MAP2K5: variants seen among roughly 807,000 people sequenced by gnomAD.
The protein encoded by MAP2K5 is dual specificity mitogen-activated protein kinase kinase 5.
Under a neutral mutation model 83.1 loss-of-function variants are expected in MAP2K5, and 49 were observed. The observed-to-expected ratio is 0.59, with a 90% CI of 0.47 to 0.75. The LOEUF (loss-of-function observed/expected upper bound fraction) is 0.75, where lower values mean the gene tolerates loss of function less well. Among genes scored for constraint, MAP2K5 ranks in the 30% least tolerant of loss-of-function variants. The pLI, the probability that MAP2K5 is intolerant of heterozygous loss-of-function variation, is 0.00. For synonymous variants in MAP2K5, 202 were observed against 191.8 expected (o/e 1.05, Z -0.44); for missense variants, 457 against 557.5 (o/e 0.82, Z 1.82).
intron 16 of MAP2K5, among the ~76,000 whole-genome samples, chr15:67,711,519 C>G (rs2088691826): frequency 6.6e-6 from 1 of 152,230 alleles, no homozygotes; most frequent in African/African-American, 2.4e-5. Context: ...ATTATCCCCT[C>G]TCTTTAAAAG....
Position 67,806,714 on chromosome 15 carries a change from G to T in MAP2K5, c.1311G>T (p.Ala437=). ...TGGTGTCCATGTGGGTGTGCCGGGC[G>T]CTGGAGGAGAGGCGGAGCCAGCAGG... The part of the protein sequence containing the change: ...AAVVSMWVCR[A]LEERRSQQGP... The change falls in exon 22 of 22, where the codon GCG becomes GCT. Residue 437 remains alanine, a synonymous_variant. Coordinates refer to ENST00000178640, the MANE Select transcript of MAP2K5 (RefSeq NM_145160.3). 1 of 1,552,444 alleles carries T rather than the reference G, an allele frequency of 6.4e-7. No homozygotes were observed.
intron 15 of MAP2K5, among the ~76,000 whole-genome samples, chr15:67,696,636 A>G (rs1297926207): frequency 1.3e-5 from 2 of 152,212 alleles, no homozygotes; most frequent in Non-Finnish European, 2.9e-5. Flanking sequence ...ATGTAGCAGC[A>G]TTATGTGTGA....
chr15:67,626,335 C>T (rs1173730615), intron 8 of MAP2K5, among the ~76,000 whole-genome samples: 1 of 151,918 alleles, frequency 6.6e-6, no homozygotes, highest in Non-Finnish European at 1.5e-5. Flanking sequence ...CCAGCCTGGC[C>T]AACATGGTGA....
chr15:67,664,045 A>G (rs1359040679), intron 12 of MAP2K5, among the ~76,000 whole-genome samples: 2 of 152,174 alleles, frequency 1.3e-5, no homozygotes. Context: ...TTATATACAC[A>G]TGCACTTATT....
chr15:67,760,223 A>G lies in MAP2K5; in HGVS notation c.1135-9379A>G, dbSNP rs1004002996. ...TCTACCAAAACACAGCAGTAATCCAAAAGTTAATGTTCTGTTCACTTATAA... is the reference window on the plus strand; with the variant it reads ...TCTACCAAAACACAGCAGTAATCCAGAAGTTAATGTTCTGTTCACTTATAA... On this transcript the variant is annotated intron_variant, in intron 19 of 21. Transcript: ENST00000178640. This position sits in a 1 kb window ranked among gnomAD's most constrained non-coding sequence, Gnocchi z 4.1. Among the ~76,000 whole-genome samples, 2 of 152,208 alleles carry G rather than the reference A, an allele frequency of 1.3e-5. No homozygotes were observed. The highest frequency in any genetic ancestry group is 4.8e-5 in the African/African-American group (2 of 41,446).
intron 13 of MAP2K5, among the ~76,000 whole-genome samples, chr15:67,672,522 T>C (rs2141169094): frequency 6.7e-6 from 1 of 150,318 alleles, no homozygotes; most frequent in South Asian, 2.1e-4. Context: ...GTTTTTTTCT[T>C]GTAAATTTGT....
chr15:67,728,775 T>A lies in MAP2K5; in HGVS notation c.1074+830T>A, dbSNP rs536594318. On this transcript the variant is annotated intron_variant, in intron 17 of 21. Transcript: ENST00000178640. ...CTTGCTATTATTATGCAAATAAGTG[T>A]TGTATTACACATACTAATTTATGCA... 9.2e-5 allele frequency among the ~76,000 whole-genome samples: 14 copies of A among 152,376 alleles called. No individual in the cohort carries two copies. The South Asian group carries it at 1.7e-3, about 18-fold the overall frequency.
rs948811863 is a variant in MAP2K5, at chr15:67,770,875, C to A, written c.1196+1212C>A. Among the ~76,000 whole-genome samples, 1 of 151,932 alleles carries A rather than the reference C, an allele frequency of 6.6e-6. No homozygotes were observed. The highest frequency in any genetic ancestry group is 2.4e-5 in the African/African-American group (1 of 41,364). Reference sequence around the variant, plus strand: ...TATATGTGAGGAAGAAATTTTTCTCCCCAATTAAAAAAATTTTATTAACAC... The same window carrying A: ...TATATGTGAGGAAGAAATTTTTCTCACCAATTAAAAAAATTTTATTAACAC... On this transcript the variant is annotated intron_variant, in intron 20 of 21. Transcript: ENST00000178640. The surrounding 1 kb of genome is among the most constrained non-coding windows in gnomAD (Gnocchi z 5.0).
Position 67,698,059 on chromosome 15 carries a change from G to A in MAP2K5, c.972+4491G>A, listed in dbSNP as rs2088311437. Among the ~76,000 whole-genome samples, 1 of 152,038 alleles carries A rather than the reference G, an allele frequency of 6.6e-6. No homozygotes were observed. Among genetic ancestry groups the A allele is most frequent in the South Asian group, 2.1e-4 (1 of 4,818 alleles). On this transcript the variant is annotated intron_variant, in intron 15 of 21. Coordinates refer to ENST00000178640, the MANE Select transcript of MAP2K5 (RefSeq NM_145160.3). This position sits in a 1 kb window ranked among gnomAD's most constrained non-coding sequence, Gnocchi z 4.5. Reference sequence around the variant, plus strand: ...GTTTTTTAGGGGCAGATAATTAATAGGTTCAATAGATACCTTCATCCAAAC... The same window carrying A: ...GTTTTTTAGGGGCAGATAATTAATAAGTTCAATAGATACCTTCATCCAAAC...
intron 11 of MAP2K5, among the ~76,000 whole-genome samples, chr15:67,647,191 C>T (rs563886533): frequency 5.7e-4 from 87 of 152,280 alleles, no homozygotes; most frequent in African/African-American, 2.0e-3. Context: ...ATTCTCAGTA[C>T]ATTACTAAAG....
rs562343437 is a variant in MAP2K5 at position 67,793,748 on chromosome 15, A to G, written c.1243-12898A>G. Among the ~76,000 whole-genome samples, 20 of 152,122 alleles carry G rather than the reference A, an allele frequency of 1.3e-4. No individual in the cohort carries two copies. Among genetic ancestry groups the G allele is most frequent in the Non-Finnish European group, 2.6e-4 (18 of 68,022 alleles). The stretch of plus-strand genomic sequence containing the variant: ...GGCCATTTCACTGTATAGAAAATAT[A>G]CTCTTTGATCACGTTGTATATAAAT... On this transcript the variant is annotated intron_variant, in intron 21 of 21. Coordinates refer to ENST00000178640, the MANE Select transcript of MAP2K5 (RefSeq NM_145160.3). This position sits in a 1 kb window ranked among gnomAD's most constrained non-coding sequence, Gnocchi z 4.6.
At position 67,786,000 on chromosome 15, in the gene MAP2K5, G is replaced by C. The variant is rs946053017; in HGVS notation, c.1242+13248G>C. The stretch of plus-strand genomic sequence containing the variant: ...GGTAATGATACCAACTTCACAGGGG[G>C]CTTTTAGCTGTTAGGTTGTTTTTTT... On this transcript the variant is annotated intron_variant, in intron 21 of 21. Transcript: ENST00000178640. This position sits in a 1 kb window ranked among gnomAD's most constrained non-coding sequence, Gnocchi z 4.4. Among the ~76,000 whole-genome samples, 38 of 146,010 alleles carry C rather than the reference G, an allele frequency of 2.6e-4. No homozygotes were observed. Among genetic ancestry groups the C allele is most frequent in the African/African-American group, 9.7e-4 (38 of 39,170 alleles).
chr15:67,681,202 T>C (rs746483565), intron 13 of MAP2K5, among the ~76,000 whole-genome samples: 17 of 152,230 alleles, frequency 1.1e-4, no homozygotes, highest in Non-Finnish European at 2.4e-4. Context: ...ATATCAGATA[T>C]CAGGATATCA....
intron 13 of MAP2K5, among the ~76,000 whole-genome samples, chr15:67,684,807 TAAA>T (rs2087910714): frequency 1.3e-5 from 2 of 152,242 alleles, no homozygotes; most frequent in South Asian, 4.1e-4. Flanking sequence ...ATATCTGAAA[TAAA>T]AATTTCATTG....
intron 8 of MAP2K5, among the ~76,000 whole-genome samples, chr15:67,606,779 T>G (rs1195454920): frequency 1.3e-5 from 2 of 152,256 alleles, no homozygotes; most frequent in Non-Finnish European, 2.9e-5. Context: ...GATGGTCATT[T>G]GTATAAAATG....
Position 67,573,162 on chromosome 15 carries a change from G to A in MAP2K5, c.253-7592G>A, listed in dbSNP as rs1452598656. ...ACCTAACTTCCTGGGAATGTAGCCC[G>A]GGAAGTCCCAGCCTCATTTTTCCTA... On this transcript the variant is annotated intron_variant, in intron 3 of 21. Coordinates refer to ENST00000178640, the MANE Select transcript of MAP2K5 (RefSeq NM_145160.3). The surrounding 1 kb of genome is among the most constrained non-coding windows in gnomAD (Gnocchi z 4.2). Among the ~76,000 whole-genome samples the A allele has an allele frequency of 1.3e-5, 2 of 152,072 alleles. No homozygotes were observed. The highest frequency in any genetic ancestry group is 2.1e-4 in the South Asian group (1 of 4,824).
At position 67,698,629 on chromosome 15, in the gene MAP2K5, G is replaced by A. The variant is rs2141210021; in HGVS notation, c.973-4708G>A. Among the ~76,000 whole-genome samples the A allele has an allele frequency of 6.6e-6, 1 of 152,274 alleles. No individual in the cohort carries two copies. The highest frequency in any genetic ancestry group is 2.1e-4 in the South Asian group (1 of 4,830). ...ATTGACACTATTGCTATGATTAACTGAAGTTTTAAAATGAAAAAATCTTAC... is the reference window on the plus strand; with the variant it reads ...ATTGACACTATTGCTATGATTAACTAAAGTTTTAAAATGAAAAAATCTTAC... On this transcript the variant is annotated intron_variant, in intron 15 of 21. Coordinates refer to ENST00000178640, the MANE Select transcript of MAP2K5 (RefSeq NM_145160.3). This position sits in a 1 kb window ranked among gnomAD's most constrained non-coding sequence, Gnocchi z 4.5.
intron 19 of MAP2K5, among the ~76,000 whole-genome samples, chr15:67,753,272 TGAC>T (rs1185273150): frequency 6.6e-6 from 1 of 152,190 alleles, no homozygotes; most frequent in African/African-American, 2.4e-5. Context: ...TAAATCTCCA[TGAC>T]CTTAGGTTAG....
intron 7 of MAP2K5, among the ~76,000 whole-genome samples, chr15:67,596,613 A>G (rs956419993): frequency 6.6e-6 from 1 of 152,168 alleles, no homozygotes; most frequent in African/African-American, 2.4e-5. Flanking sequence ...AGTCCAAACT[A>G]CACAACAGCC....
Sources: gnomAD v4.1 joint callset for allele counts (sites outside exome capture counted in the v4.1 genomes callset) on GRCh38, gnomAD v4.1.1 for gene constraint, Gnocchi (gnomAD v3.1) non-coding constraint, MANE v1.5 for transcripts, NCBI Gene and HGNC (gene_info 2026-07-23, HGNC 2026-07-21) for gene names.